The following CCDC3 variants were observed in gnomAD, a reference collection of about 807,000 sequenced individuals.
CCDC3 encodes coiled-coil domain containing 3, also known as coiled-coil domain-containing protein 3.
CCDC3 carries 24 observed loss-of-function variants against 21.4 expected under a neutral mutation model. That is an observed-to-expected ratio of 1.12 (90% confidence interval 0.81 to 1.58). The LOEUF is 1.58. CCDC3 is among the 40% of genes most tolerant of loss of function. The pLI, the probability that CCDC3 is intolerant of heterozygous loss-of-function variation, is 0.00. For synonymous variants in CCDC3, 186 were observed against 166.0 expected, an observed-to-expected ratio of 1.12 and a Z score of -0.93; for missense variants, 425 against 360.9, an observed-to-expected ratio of 1.18 and a Z score of -1.44.
chr10:12,901,573 C>T (rs1413147657), intron 2 of CCDC3, among the ~76,000 whole-genome samples: 1 of 152,156 alleles, frequency 6.6e-6, no homozygotes, highest in Non-Finnish European at 1.5e-5. Flanking sequence ...GCACCTGGCC[C>T]ACCTGCACCT....
At position 13,056,239 on chromosome 10, in the gene CCDC3, A is replaced by G. The variant is rs189549172; in HGVS notation, c.-269-6298T>C. Among the ~76,000 whole-genome samples the G allele has an allele frequency of 3.7e-4, 56 of 152,290 alleles. 1 individual carries two copies. The highest frequency in any genetic ancestry group is 2.1e-3 in the South Asian group (10 of 4,826). The stretch of plus-strand genomic sequence containing the variant: ...CACCATCTTCAGCCCATGACCTCCA[A>G]GGTCAATTTGGGCACTGACATCAGC... On this transcript the variant is annotated intron_variant, in intron 4 of 6. Coordinates refer to the CCDC3 transcript ENST00000378839.
At chr10:12,998,214 A>G (rs1835791442) in intron 2 of CCDC3, 124 bp downstream of exon 2, 1 of 982,062 alleles carries the variant, frequency 1.0e-6, no homozygotes, top group South Asian at 1.9e-5. Flanking sequence ...GAGAGAGGGC[A>G]TACGCTAATA....
At chr10:12,929,072 G>A (rs1030560073) in intron 2 of CCDC3, among the ~76,000 whole-genome samples, 3 of 151,960 alleles carry the variant, frequency 2.0e-5, no homozygotes, top group Non-Finnish European at 4.4e-5. Flanking sequence ...GACCATCCTG[G>A]CCAAGATGGT....
intron 2 of CCDC3, among the ~76,000 whole-genome samples, chr10:12,933,400 T>C (rs1239471989): frequency 6.6e-6 from 1 of 152,122 alleles, no homozygotes; most frequent in East Asian, 1.9e-4. Context: ...AAAGAATTGG[T>C]CCATTTTGTT....
intron 3 of CCDC3, among the ~76,000 whole-genome samples, chr10:13,084,802 T>C (rs911563683): frequency 3.3e-5 from 5 of 151,950 alleles, no homozygotes; most frequent in Non-Finnish European, 7.4e-5. Flanking sequence ...AGCAAAGCCA[T>C]GAGAAGGAGT....
rs78351799 is a variant in CCDC3, at chr10:12,907,837, G to A, written c.550-9158C>T. On this transcript the variant is annotated intron_variant, in intron 2 of 2. Transcript: ENST00000378825. Reference sequence around the variant, plus strand: ...TCCCTTAAGAATTGCAGGATGTGACGCAGATGAGGAAAAATCCATTCTAGA... The same window carrying A: ...TCCCTTAAGAATTGCAGGATGTGACACAGATGAGGAAAAATCCATTCTAGA... 6.4e-3 allele frequency among the ~76,000 whole-genome samples: 968 copies of A among 152,150 alleles called. 12 individuals are homozygous for A. The highest frequency in any genetic ancestry group is 0.022 in the African/African-American group (919 of 41,506).
At chr10:13,072,380 G>C (rs568159516) in intron 4 of CCDC3, among the ~76,000 whole-genome samples, 1 of 152,108 alleles carries the variant, frequency 6.6e-6, no homozygotes, top group Admixed American at 6.5e-5. Flanking sequence ...TCTAACCGCC[G>C]TTGGATGTAC....
chr10:13,054,406 A>AT (rs965767342), intron 4 of CCDC3, among the ~76,000 whole-genome samples: 2 of 151,140 alleles, frequency 1.3e-5, no homozygotes, highest in East Asian at 1.9e-4. Context: ...GATTGCTTCC[A>AT]TTTTTTTTGT....
chr10:13,017,970 G>T (rs1372527171), intron 5 of CCDC3, among the ~76,000 whole-genome samples: 1 of 151,988 alleles, frequency 6.6e-6, no homozygotes, highest in East Asian at 1.9e-4. Context: ...GCATGCCAGG[G>T]TCTCAGGTGG....
chr10:13,025,021 T>C (rs188810147), intron 5 of CCDC3, among the ~76,000 whole-genome samples: 23 of 152,352 alleles, frequency 1.5e-4, no homozygotes, highest in Non-Finnish European at 3.1e-4. Context: ...TATATTTTAG[T>C]TATCTATTGC....
Position 13,025,100 on chromosome 10 carries a change from G to T in CCDC3, c.-2+24574C>A, listed in dbSNP as rs1043154871. On this transcript the variant is annotated intron_variant, in intron 5 of 6. Coordinates refer to the CCDC3 transcript ENST00000378839. ...CTTATTACTTCTTCCAATTCTGTGG[G>T]TTGACCAGGGGGTTATTACACTTCA... is the stretch of plus-strand genomic sequence containing the variant. 2.0e-5 allele frequency among the ~76,000 whole-genome samples: 3 copies of T among 152,268 alleles called. No homozygotes were observed. The South Asian group carries it at 6.2e-4, about 32-fold the overall frequency.
intron 5 of CCDC3, among the ~76,000 whole-genome samples, chr10:13,026,775 C>T (rs898230837): frequency 2.0e-5 from 3 of 152,138 alleles, no homozygotes; most frequent in Non-Finnish European, 4.4e-5. Context: ...TAATAGTCAA[C>T]ATCATAAGCT....
rs71386129 is a variant in CCDC3 at position 12,916,426 on chromosome 10, CAAA to C, written c.550-17750_550-17748del. Among the ~76,000 whole-genome samples the C allele has an allele frequency of 8.6e-5, 9 of 105,250 alleles. No individual in the cohort carries two copies. The East Asian group carries it at 1.8e-3, about 21-fold the overall frequency. The allele number at this position is 105,250 out of a possible 152,430, so 69.0% of individuals were successfully genotyped here. A position where few individuals can be genotyped will look rare whatever the true frequency, so the allele number is the denominator to read the frequency against. Reference sequence around the variant, plus strand: ...TGAGGGATAGAGACAGACTCCATCTCAAAAAAAAAAAAAAAAAAAATTGACAGC... The same window carrying C: ...TGAGGGATAGAGACAGACTCCATCTCAAAAAAAAAAAAAAAAATTGACAGC... On this transcript the variant is annotated intron_variant, in intron 2 of 2. Coordinates refer to ENST00000378825, the MANE Select transcript of CCDC3 (RefSeq NM_031455.4).
chr10:13,051,460 C>T (rs1192710161), intron 4 of CCDC3, among the ~76,000 whole-genome samples: 1 of 152,220 alleles, frequency 6.6e-6, no homozygotes, highest in Non-Finnish European at 1.5e-5. Context: ...AAGTGTCATT[C>T]ACCTTAAAGT....
At chr10:12,916,172 G>A (rs924068863) in intron 2 of CCDC3, among the ~76,000 whole-genome samples, 4 of 152,154 alleles carry the variant, frequency 2.6e-5, no homozygotes, top group South Asian at 2.1e-4. Context: ...AGTGGTTCAC[G>A]CCTGAAGTCC....
intron 3 of CCDC3, among the ~76,000 whole-genome samples, chr10:13,095,983 T>C (rs186559930): frequency 5.9e-5 from 9 of 152,342 alleles, no homozygotes; most frequent in African/African-American, 2.2e-4. Context: ...TTTCCTTTTC[T>C]GGACATTTAA....
intron 2 of CCDC3, among the ~76,000 whole-genome samples, chr10:12,909,620 C>T (rs1394220971): frequency 6.6e-6 from 1 of 152,184 alleles, no homozygotes; most frequent in East Asian, 1.9e-4. Flanking sequence ...CGGAAGGGCT[C>T]TGAAGTCAGG....
At chr10:13,023,928 C>G (rs1466430020) in intron 5 of CCDC3, among the ~76,000 whole-genome samples, 3 of 152,104 alleles carry the variant, frequency 2.0e-5, no homozygotes, top group Admixed American at 6.5e-5. Context: ...ATAGACATTC[C>G]TACTCAAAAA....
At chr10:13,018,062 T>C (rs950875888) in intron 5 of CCDC3, among the ~76,000 whole-genome samples, 2 of 150,564 alleles carry the variant, frequency 1.3e-5, no homozygotes, top group Non-Finnish European at 3.0e-5. Flanking sequence ...TTATGGACTT[T>C]CCTTTCCCAT....
Sources: gnomAD v4.1 joint callset for allele counts (sites outside exome capture counted in the v4.1 genomes callset) on GRCh38, gnomAD v4.1.1 for gene constraint, MANE v1.5 for transcripts, NCBI Gene and HGNC (gene_info 2026-07-23, HGNC 2026-07-21) for gene names.